The following PLXNC1 variants were observed in gnomAD, a reference collection of about 807,000 sequenced individuals.
PLXNC1 encodes the protein plexin-C1.
PLXNC1 carries 75 observed loss-of-function variants against 178.2 expected under a neutral mutation model. The ratio of observed to expected loss-of-function variants is 0.42; its 90% confidence interval spans 0.35 to 0.51. PLXNC1 has a LOEUF of 0.51. PLXNC1 is among the 20% of genes least tolerant of loss of function. PLXNC1 has a pLI of 0.02. For missense variants in PLXNC1, 1,503 were observed against 1,984.4 expected (o/e 0.76, Z 4.61); for synonymous variants, 790 against 779.9 (o/e 1.01, Z -0.22).
chr12:94,162,045 TAGTC>T (rs1484975818), intron 1 of PLXNC1, among the ~76,000 whole-genome samples: 1 of 152,210 alleles, frequency 6.6e-6, no homozygotes, highest in Non-Finnish European at 1.5e-5. Flanking sequence ...CTATTGGAGA[TAGTC>T]AGTCTTATAA....
intron 2 of PLXNC1, among the ~76,000 whole-genome samples, chr12:94,180,176 G>A (rs553952484): frequency 6.6e-5 from 10 of 152,024 alleles, no homozygotes; most frequent in Non-Finnish European, 1.5e-4. Flanking sequence ...AGGCCCACAA[G>A]ACCCTTGATT....
In PLXNC1 at chr12:94,282,327, C is replaced by T. The variant is rs1162061587; in HGVS notation, c.3805C>T (p.Leu1269Phe). 4 of 1,613,860 alleles carry T rather than the reference C, an allele frequency of 2.5e-6. No individual in the cohort carries two copies. The highest frequency in any genetic ancestry group is 3.4e-6 in the Non-Finnish European group (4 of 1,179,858). Residue 1269 changes from leucine (L) to phenylalanine (F), a missense_variant, in exon 23 of 31, where the codon CTT becomes TTT. Around this residue, in one of 4 missense-constraint regions of PLXNC1, gnomAD observed 639 missense variants for 979.7 expected, o/e 0.65. Transcript: ENST00000258526. Reference sequence around the variant, plus strand: ...TCAAATGGGCACACGACAGAAAGAACTTCTGGACATCGACAGTTCCTCCGT... The same window carrying T: ...TCAAATGGGCACACGACAGAAAGAATTTCTGGACATCGACAGTTCCTCCGT... The part of the protein sequence containing the change: ...ELQMGTRQKE[L>F]LDIDSSSVIL...
intron 1 of PLXNC1, among the ~76,000 whole-genome samples, chr12:94,155,042 G>A (rs767015733): frequency 1.3e-5 from 2 of 152,186 alleles, no homozygotes; most frequent in Non-Finnish European, 2.9e-5. Flanking sequence ...TGCCTGATGT[G>A]TCAGGGCCCC....
chr12:94,205,494 T>C (rs1252129865), intron 4 of PLXNC1, among the ~76,000 whole-genome samples: 1 of 152,238 alleles, frequency 6.6e-6, no homozygotes, highest in Non-Finnish European at 1.5e-5. Context: ...GGAAACCTAA[T>C]CACTGTTTAT....
At chr12:94,275,014 T>C (rs1360934726) in intron 21 of PLXNC1, among the ~76,000 whole-genome samples, 1 of 152,200 alleles carries the variant, frequency 6.6e-6, no homozygotes, top group African/African-American at 2.4e-5. Flanking sequence ...ATAGGAACAG[T>C]GAGGATTTTA....
chr12:94,237,364 T>C (rs1964270221), intron 9 of PLXNC1, among the ~76,000 whole-genome samples: 1 of 152,218 alleles, frequency 6.6e-6, no homozygotes, highest in Admixed American at 6.5e-5. Flanking sequence ...AGTAAACATT[T>C]TCAAAACTCT....
chr12:94,283,821 C>A (rs984748473), intron 23 of PLXNC1, among the ~76,000 whole-genome samples: 9 of 152,102 alleles, frequency 5.9e-5, no homozygotes, highest in Admixed American at 2.6e-4. Context: ...TGGTGGCTCA[C>A]GCCTGTAATC....
chr12:94,204,160 G>A (rs1367157275), intron 4 of PLXNC1, among the ~76,000 whole-genome samples: 1 of 152,230 alleles, frequency 6.6e-6, no homozygotes, highest in Non-Finnish European at 1.5e-5. Context: ...AACAGACTAA[G>A]ACAGATGGGC....
intron 24 of PLXNC1, among the ~76,000 whole-genome samples, chr12:94,295,035 A>G (rs1967760876): frequency 6.6e-6 from 1 of 152,222 alleles, no homozygotes; most frequent in Non-Finnish European, 1.5e-5. Context: ...GGGAAAGTCA[A>G]TAGGCTGGTC....
chr12:94,181,179 C>G (rs1400927448), intron 2 of PLXNC1, among the ~76,000 whole-genome samples: 2 of 151,804 alleles, frequency 1.3e-5, no homozygotes, highest in Non-Finnish European at 2.9e-5. Flanking sequence ...GCGGGTGGAT[C>G]ACGAGGTCAG....
At chr12:94,251,019 T>A (rs1051948067) in intron 14 of PLXNC1, among the ~76,000 whole-genome samples, 1 of 152,300 alleles carries the variant, frequency 6.6e-6, no homozygotes, top group African/African-American at 2.4e-5. Context: ...AGACTTTGTC[T>A]CTAAAACAAA....
intron 2 of PLXNC1, among the ~76,000 whole-genome samples, chr12:94,172,093 G>A (rs1487463529): frequency 1.3e-5 from 2 of 152,208 alleles, no homozygotes; most frequent in East Asian, 3.8e-4. Flanking sequence ...CCTTGCCAAG[G>A]CTTGTCACCA....
chr12:94,152,568 A>C (rs894314587), intron 1 of PLXNC1, among the ~76,000 whole-genome samples: 1 of 152,236 alleles, frequency 6.6e-6, no homozygotes, highest in African/African-American at 2.4e-5. Context: ...GGCATGCTGA[A>C]TTATAGGTGC....
At chr12:94,180,546 C>G (rs1406837058) in intron 2 of PLXNC1, among the ~76,000 whole-genome samples, 8 of 152,120 alleles carry the variant, frequency 5.3e-5, no homozygotes, top group Non-Finnish European at 1.2e-4. Context: ...TTTCAAACAC[C>G]CAGAACAGTG....
chr12:94,197,603 C>T (rs999663138), intron 4 of PLXNC1, among the ~76,000 whole-genome samples: 2 of 152,086 alleles, frequency 1.3e-5, no homozygotes, highest in African/African-American at 4.8e-5. Context: ...TATAAATTTC[C>T]CAGTTAGTAG....
At chr12:94,261,520 T>C (rs1271234589) in intron 20 of PLXNC1, among the ~76,000 whole-genome samples, 1 of 152,236 alleles carries the variant, frequency 6.6e-6, no homozygotes, top group African/African-American at 2.4e-5. Context: ...TGAGAAAACA[T>C]AGGCAATTGC....
At chr12:94,244,863 G>A (rs1390412799) in intron 12 of PLXNC1, among the ~76,000 whole-genome samples, 1 of 152,222 alleles carries the variant, frequency 6.6e-6, no homozygotes, top group Admixed American at 6.5e-5. Context: ...TCACATACAA[G>A]TCAGGCCTCC....
chr12:94,181,244 T>A (rs1416623992), intron 2 of PLXNC1, among the ~76,000 whole-genome samples: 1 of 151,806 alleles, frequency 6.6e-6, no homozygotes, highest in Non-Finnish European at 1.5e-5. Flanking sequence ...CTAAAAAAAA[T>A]TAGCTGGGTG....
intron 21 of PLXNC1, among the ~76,000 whole-genome samples, chr12:94,268,166 T>C (rs923671534): frequency 6.6e-6 from 1 of 152,192 alleles, no homozygotes; most frequent in East Asian, 1.9e-4. Context: ...CAGCACCTCA[T>C]ATAGCAATCT....
Sources: allele counts gnomAD v4.1 joint callset (sites outside exome capture counted in the v4.1 genomes callset), GRCh38; gene constraint gnomAD v4.1.1; regional missense constraint gnomAD v4.1.1; transcripts MANE v1.5; gene names NCBI Gene and HGNC (gene_info 2026-07-23, HGNC 2026-07-21).